The following IQCH variants were observed in gnomAD, a reference collection of about 807,000 sequenced individuals.
IQCH encodes IQ domain-containing protein H.
IQCH carries 98 observed loss-of-function variants against 117.0 expected under a neutral mutation model. That is an observed-to-expected ratio of 0.84 (90% CI 0.71 to 0.99). The LOEUF is 0.99. Among genes scored for constraint, IQCH ranks in the 50% least tolerant of loss-of-function variants. The pLI, the probability that IQCH is intolerant of heterozygous loss-of-function variation, is 0.00. For missense variants in IQCH, 1,102 were observed against 1,243.8 expected, an observed-to-expected ratio of 0.89 and a Z score of 1.72; for synonymous variants, 412 against 448.2, an observed-to-expected ratio of 0.92 and a Z score of 1.02.
intron 4 of IQCH, among the ~76,000 whole-genome samples, chr15:67,310,329 T>C (rs534291544): frequency 2.1e-4 from 32 of 152,262 alleles, no homozygotes; most frequent in Non-Finnish European, 1.9e-4. Flanking sequence ...GTGTGTACAT[T>C]TGAATTTCCC....
At position 67,496,682 on chromosome 15, in the gene IQCH, TAAGAAG is replaced by T. The variant is rs1393277516; in HGVS notation, c.2970+2326_2970+2331del. ...CAACATAGCAAGACCTCATCTCTAC[TAAGAAG>T]AAGAAGAAGGAGAAGGAGAAAAGAA... On this transcript the variant is annotated intron_variant, in intron 20 of 20. Transcript: ENST00000335894. The surrounding 1 kb of genome is among the most constrained non-coding windows in gnomAD (Gnocchi z 4.4). Among the ~76,000 whole-genome samples, 263 of 151,188 alleles carry T rather than the reference TAAGAAG, an allele frequency of 1.7e-3. No homozygotes were observed. Among genetic ancestry groups the T allele is most frequent in the Non-Finnish European group, 2.8e-3 (187 of 67,784 alleles).
chr15:67,307,174 C>A, intron 4 of IQCH: 1 of 981,674 alleles, frequency 1.0e-6, no homozygotes, highest in Non-Finnish European at 1.2e-6. Flanking sequence ...AGAATTATAC[C>A]AGTTCTTTGG....
At chr15:67,323,502 A>G (rs74791128) in intron 4 of IQCH, among the ~76,000 whole-genome samples, 5,993 of 152,188 alleles carry the variant, frequency 0.039, 215 homozygotes, top group South Asian at 0.17. Context: ...TCAGCCTCCC[A>G]AAGTGCTGGG....
chr15:67,399,672 A>G (rs187477265), intron 13 of IQCH, among the ~76,000 whole-genome samples: 2 of 152,348 alleles, frequency 1.3e-5, no homozygotes, highest in East Asian at 3.9e-4. Context: ...TAGCAGTAAA[A>G]AGCTCAACAA....
chr15:67,290,040 T>A (rs186926859), intron 4 of IQCH, among the ~76,000 whole-genome samples: 132 of 152,196 alleles, frequency 8.7e-4, no homozygotes, highest in Admixed American at 2.6e-3. Context: ...GTTGAATCTT[T>A]TGTCTTCATT....
chr15:67,469,837 A>C (rs1326986837), intron 17 of IQCH, among the ~76,000 whole-genome samples: 2 of 152,238 alleles, frequency 1.3e-5, no homozygotes, highest in African/African-American at 4.8e-5. Context: ...GCAATTTGTT[A>C]AAGGTCAGTA....
Position 67,500,701 on chromosome 15 carries a change from G to A in IQCH, c.3039G>A (p.Glu1013=), listed in dbSNP as rs774937865. ...TKENKMRFEE[E]QQSKDDKNLS... ...AAAACAAAATGAGATTTGAAGAGGA[G>A]CAACAGTCCAAAGATGATAAAAACC... is the stretch of plus-strand genomic sequence containing the variant. The change falls in exon 21 of 21, where the codon GAG becomes GAA. Residue 1013 remains glutamate, a synonymous_variant. Transcript: ENST00000335894. This position sits in a 1 kb window ranked among gnomAD's most constrained non-coding sequence, Gnocchi z 4.4. 4 of 1,603,346 alleles carry A rather than the reference G, an allele frequency of 2.5e-6. No individual in the cohort carries two copies. The East Asian group carries it at 6.8e-5, about 27-fold the overall frequency.
intron 10 of IQCH, among the ~76,000 whole-genome samples, chr15:67,383,226 T>C (rs1970998684): frequency 6.6e-6 from 1 of 152,218 alleles, no homozygotes; most frequent in African/African-American, 2.4e-5. Context: ...TAACTGCATG[T>C]GATTTTCTAC....
intron 3 of IQCH, among the ~76,000 whole-genome samples, chr15:67,272,125 T>A (rs935594395): frequency 2.0e-5 from 3 of 152,066 alleles, no homozygotes; most frequent in Admixed American, 6.5e-5. Context: ...TCCATTTTCA[T>A]TTGTTTCAAG....
chr15:67,257,792 TAAAATCCAACAATTGTGTGTTAACACA>T (rs1193158125), intron 1 of IQCH, among the ~76,000 whole-genome samples: 5 of 152,274 alleles, frequency 3.3e-5, no homozygotes, highest in Admixed American at 1.3e-4. Context: ...GCTTTTTAAT[TAAAATCCAACAATTGTGTGTTAACACA>T]AAAATCCAAC....
intron 2 of IQCH, among the ~76,000 whole-genome samples, chr15:67,262,079 ACT>A (rs1229431590): frequency 2.2e-5 from 3 of 138,912 alleles, no homozygotes; most frequent in South Asian, 2.2e-4. Context: ...ACAGAGTGAG[ACT>A]CTGTCTCAAA....
At chr15:67,480,610 C>A (rs752552557) in intron 18 of IQCH, among the ~76,000 whole-genome samples, 5 of 152,128 alleles carry the variant, frequency 3.3e-5, no homozygotes, top group South Asian at 2.1e-4. Context: ...AAAGAAGATG[C>A]TCCTAAAACA....
chr15:67,355,231 T>A (rs1028711280), intron 6 of IQCH, among the ~76,000 whole-genome samples: 25 of 152,262 alleles, frequency 1.6e-4, no homozygotes, highest in Admixed American at 1.3e-3. Context: ...TTAAAAAAAT[T>A]TTTTTTCTAA....
intron 9 of IQCH, 31 bp downstream of exon 9, chr15:67,372,693 CCT>C (rs779475586): frequency 5.8e-6 from 9 of 1,539,106 alleles, no homozygotes; most frequent in Non-Finnish European, 7.9e-6. Context: ...TTAAGGCAGA[CCT>C]CTTTTTCTAA....
chr15:67,412,682 A>C (rs760976413), intron 14 of IQCH, among the ~76,000 whole-genome samples: 1 of 152,142 alleles, frequency 6.6e-6, no homozygotes, highest in Non-Finnish European at 1.5e-5. Context: ...TACAGGCATG[A>C]GCCACCGCGC....
rs753596966 is a variant in IQCH, at chr15:67,281,617, T to G, written c.387+2105T>G. On this transcript the variant is annotated intron_variant, in intron 4 of 20. Coordinates refer to ENST00000335894, the MANE Select transcript of IQCH (RefSeq NM_001031715.3). ...TCGTTTAAAGGTATCAGACTCAATCTCTCCCAGATCCAGGAAATGACTGGA... is the reference window on the plus strand; with the variant it reads ...TCGTTTAAAGGTATCAGACTCAATCGCTCCCAGATCCAGGAAATGACTGGA... The G allele has an allele frequency of 5.2e-5, 23 of 445,970 alleles. 1 individual carries two copies. Among genetic ancestry groups the G allele is most frequent in the South Asian group, 3.6e-4 (23 of 63,298 alleles). The allele number at this position is 445,970 out of a possible 1,614,324, so 27.6% of individuals were successfully genotyped here.
chr15:67,384,949 T>A lies in IQCH; in HGVS notation c.1386T>A (p.Pro462=), dbSNP rs1395103796. 12 of 1,611,150 alleles carry A rather than the reference T, an allele frequency of 7.4e-6. No individual in the cohort carries two copies. Among genetic ancestry groups the A allele is most frequent in the Non-Finnish European group, 8.5e-6 (10 of 1,177,502 alleles). The change falls in exon 11 of 21, where the codon CCT becomes CCA. Residue 462 remains proline (P), a synonymous_variant. Coordinates refer to ENST00000335894, the MANE Select transcript of IQCH (RefSeq NM_001031715.3). This position sits in a 1 kb window ranked among gnomAD's most constrained non-coding sequence, Gnocchi z 4.3. ...TTTGCCTTTTAGGGTATTCCCAGCC[T>A]GTGAGAGAACATATTGCCGATTTCA... ...IHIPSLGYSQ[P]VREHIADFNT...
At chr15:67,324,701 T>G (rs1968324729) in intron 4 of IQCH, among the ~76,000 whole-genome samples, 1 of 149,726 alleles carries the variant, frequency 6.7e-6, no homozygotes, top group Non-Finnish European at 1.5e-5. Context: ...GGGGTAGCCA[T>G]GTTTTTTGTT....
intron 16 of IQCH, among the ~76,000 whole-genome samples, chr15:67,452,836 A>G (rs2079880280): frequency 6.6e-6 from 1 of 152,098 alleles, no homozygotes; most frequent in Non-Finnish European, 1.5e-5. Flanking sequence ...ACTTGGTTCC[A>G]TTCTCCCCAT....
Sources: gnomAD v4.1 joint callset for allele counts (sites outside exome capture counted in the v4.1 genomes callset) on GRCh38, gnomAD v4.1.1 for gene constraint, Gnocchi (gnomAD v3.1) non-coding constraint, MANE v1.5 for transcripts, NCBI Gene and HGNC (gene_info 2026-07-23, HGNC 2026-07-21) for gene names.